Variants in MICU3 observed in about 807,000 individuals in gnomAD.
MICU3 encodes the protein mitochondrial calcium uptake 3, also known as calcium uptake protein 3, mitochondrial.
A neutral mutation model predicts 66.5 loss-of-function variants in MICU3; 62 were observed. That is an observed-to-expected ratio of 0.93 (90% CI 0.76 to 1.15). MICU3 has a LOEUF of 1.15. MICU3 is among the 50% of genes most tolerant of loss of function. The pLI is 0.00. For missense variants in MICU3, 779 were observed against 664.4 expected, an observed-to-expected ratio of 1.17 and a Z score of -1.90; for synonymous variants, 308 against 240.7, an observed-to-expected ratio of 1.28 and a Z score of -2.59.
At chr8:17,058,565 G>A (rs1289720270) in intron 1 of MICU3, among the ~76,000 whole-genome samples, 1 of 151,978 alleles carries the variant, frequency 6.6e-6, no homozygotes, top group African/African-American at 2.4e-5. Flanking sequence ...TAATTGTGAT[G>A]TTAAAACTTC....
chr8:17,041,926 T>C (rs1430547174), intron 1 of MICU3, among the ~76,000 whole-genome samples: 1 of 152,186 alleles, frequency 6.6e-6, no homozygotes, highest in Non-Finnish European at 1.5e-5. Flanking sequence ...GCGGAGTAAC[T>C]ATGATAGAGG....
At chr8:17,048,228 A>T (rs745908608) in intron 1 of MICU3, among the ~76,000 whole-genome samples, 2 of 152,236 alleles carry the variant, frequency 1.3e-5, no homozygotes, top group Non-Finnish European at 2.9e-5. Context: ...AATAAAAAGA[A>T]GTCCTGGAAT....
At chr8:17,066,930 C>T (rs982088343) in intron 2 of MICU3, among the ~76,000 whole-genome samples, 3 of 151,958 alleles carry the variant, frequency 2.0e-5, no homozygotes, top group South Asian at 2.1e-4. Flanking sequence ...GCACACTGTT[C>T]GATTTTGCTT....
intron 1 of MICU3, among the ~76,000 whole-genome samples, chr8:17,052,593 G>T (rs986923074): frequency 1.3e-5 from 2 of 152,082 alleles, no homozygotes; most frequent in African/African-American, 4.8e-5. Context: ...GCTTTATCTA[G>T]CAACTTTTAA....
chr8:17,070,238 A>AT (rs1304832731), intron 3 of MICU3, among the ~76,000 whole-genome samples: 4 of 152,138 alleles, frequency 2.6e-5, no homozygotes, highest in African/African-American at 9.6e-5. Context: ...AAACTTTAAT[A>AT]TATCAATACT....
chr8:17,129,894 G>C, the MICU3 span, among the ~76,000 whole-genome samples: 1 of 152,020 alleles, frequency 6.6e-6, no homozygotes, highest in Non-Finnish European at 1.5e-5. Flanking sequence ...TATATACAAG[G>C]GTAATGATAA....
At chr8:17,079,743 C>G (rs1050944545) in intron 4 of MICU3, among the ~76,000 whole-genome samples, 3 of 151,988 alleles carry the variant, frequency 2.0e-5, no homozygotes, top group African/African-American at 7.2e-5. Context: ...GTCCTCTTGC[C>G]TCGGCCTCCC....
At chr8:17,137,839 C>G in the MICU3 span, among the ~76,000 whole-genome samples, 1 of 151,216 alleles carries the variant, frequency 6.6e-6, no homozygotes, top group East Asian at 1.9e-4. Context: ...GCCTCAGCCT[C>G]CTGAGTAGCT....
At chr8:17,049,183 C>G (rs1815633778) in intron 1 of MICU3, among the ~76,000 whole-genome samples, 1 of 152,112 alleles carries the variant, frequency 6.6e-6, no homozygotes, top group East Asian at 1.9e-4. Flanking sequence ...CCATTTATGC[C>G]TAGTGTTCCA....
At chr8:17,092,872 G>A (rs561646272) in intron 8 of MICU3, among the ~76,000 whole-genome samples, 1 of 152,094 alleles carries the variant, frequency 6.6e-6, no homozygotes, top group Non-Finnish European at 1.5e-5. Context: ...TCTAATCTGA[G>A]TATAGATCAT....
chr8:17,070,979 T>C (rs1180917085), intron 3 of MICU3, among the ~76,000 whole-genome samples: 1 of 152,060 alleles, frequency 6.6e-6, no homozygotes, highest in Non-Finnish European at 1.5e-5. Flanking sequence ...TAGGACAGAG[T>C]TGGACAGTGT....
downstream of MICU3, among the ~76,000 whole-genome samples, chr8:17,127,568 C>G (rs560386944): frequency 1.3e-5 from 2 of 152,240 alleles, no homozygotes; most frequent in East Asian, 3.9e-4. Flanking sequence ...GTATCCTTTA[C>G]TATTTGGACT....
intron 1 of MICU3, among the ~76,000 whole-genome samples, chr8:17,049,413 A>G (rs952703831): frequency 6.6e-6 from 1 of 152,202 alleles, no homozygotes; most frequent in African/African-American, 2.4e-5. Context: ...GCTAGTTAAT[A>G]GTACATCAAG....
chr8:17,103,576 A>AAAAG (rs1801468587), intron 9 of MICU3, among the ~76,000 whole-genome samples: 1 of 150,732 alleles, frequency 6.6e-6, no homozygotes, highest in Non-Finnish European at 1.5e-5. Flanking sequence ...GGCCAACTGG[A>AAAAG]GAAGGAAGGA....
At chr8:17,035,961 A>G (rs925159378) in intron 1 of MICU3, among the ~76,000 whole-genome samples, 3 of 152,158 alleles carry the variant, frequency 2.0e-5, no homozygotes, top group African/African-American at 7.2e-5. Flanking sequence ...CTAGGAGGAA[A>G]AAATGGTTTT....
intron 1 of MICU3, among the ~76,000 whole-genome samples, chr8:17,038,250 G>T (rs189116141): frequency 6.6e-6 from 1 of 152,130 alleles, no homozygotes; most frequent in South Asian, 2.1e-4. Flanking sequence ...TAATCCCCAC[G>T]TGTCATGGGA....
At chr8:17,074,445 C>T (rs11787157) in intron 3 of MICU3, among the ~76,000 whole-genome samples, 34,555 of 151,874 alleles carry the variant, frequency 0.23, 4,345 homozygotes, top group South Asian at 0.34. Flanking sequence ...GAATATTTGA[C>T]AGGAAAATAT....
intron 1 of MICU3, chr8:17,049,625 A>C (rs1165656011): frequency 1.9e-6 from 1 of 518,544 alleles, no homozygotes; most frequent in East Asian, 5.4e-5. Flanking sequence ...CGTAGGCCGG[A>C]AGGATTGCAA....
intron 1 of MICU3, among the ~76,000 whole-genome samples, chr8:17,054,496 C>T (rs1678357455): frequency 6.6e-6 from 1 of 151,972 alleles, no homozygotes; most frequent in African/African-American, 2.4e-5. Flanking sequence ...AATCTGCCAC[C>T]AAGTTTAGGA....
Sources: allele counts gnomAD v4.1 joint callset (sites outside exome capture counted in the v4.1 genomes callset), GRCh38; gene constraint gnomAD v4.1.1; transcripts MANE v1.5; gene names NCBI Gene and HGNC (gene_info 2026-07-23, HGNC 2026-07-21).